SYNE2: variants seen among roughly 807,000 people sequenced by gnomAD.
SYNE2 encodes the protein nesprin-2.
Under a neutral mutation model 856.3 loss-of-function variants are expected in SYNE2, and 431 were observed. The ratio of observed to expected loss-of-function variants is 0.50; its 90% confidence interval spans 0.47 to 0.55. The LOEUF (loss-of-function observed/expected upper bound fraction) is 0.55, where lower values mean the gene tolerates loss of function less well. SYNE2 is among the 20% of genes least tolerant of loss of function. The pLI, the probability that SYNE2 is intolerant of heterozygous loss-of-function variation, is 0.00. For synonymous variants in SYNE2, 2,923 were observed against 2,872.3 expected (o/e 1.02, Z -0.56); for missense variants, 8,129 against 8,023.2 (o/e 1.01, Z -0.50).
chr14:63,797,004 A>G (rs1887939276), intron 1 of SYNE2, among the ~76,000 whole-genome samples: 1 of 150,390 alleles, frequency 6.6e-6, no homozygotes, highest in South Asian at 2.1e-4. Context: ...GCTTGAACCC[A>G]GGAGGTGGAG....
intron 1 of SYNE2, among the ~76,000 whole-genome samples, chr14:63,875,577 A>G (rs1415931038): frequency 6.6e-6 from 1 of 151,014 alleles, no homozygotes; most frequent in African/African-American, 2.5e-5. Flanking sequence ...TTGTGGAAAC[A>G]GAGACCTTTA....
intron 96 of SYNE2, among the ~76,000 whole-genome samples, chr14:64,182,386 T>A (rs2098462489): frequency 6.6e-6 from 1 of 152,126 alleles, no homozygotes; most frequent in Non-Finnish European, 1.5e-5. Flanking sequence ...TTTTTATTTT[T>A]ATTTATTTGT....
chr14:63,982,600 A>C (rs1259908328), intron 16 of SYNE2, 30 bp from the exon 17 acceptor site: 1 of 1,607,678 alleles, frequency 6.2e-7, no homozygotes, highest in Admixed American at 1.7e-5. Context: ...TCGTGTCATT[A>C]AGATAGTGTG....
intron 67 of SYNE2, among the ~76,000 whole-genome samples, chr14:64,119,810 T>A (rs373759408): frequency 7.2e-5 from 11 of 152,122 alleles, no homozygotes; most frequent in African/African-American, 2.4e-4. Flanking sequence ...CCTGTCTAGG[T>A]TGTTGTTGGT....
intron 96 of SYNE2, among the ~76,000 whole-genome samples, chr14:64,181,057 A>G (rs578259936): frequency 6.6e-6 from 1 of 152,248 alleles, no homozygotes; most frequent in African/African-American, 2.4e-5. Context: ...TCATCTGTCA[A>G]TAATGACAAG....
Position 64,024,458 on chromosome 14 carries a change from A to C in SYNE2, c.5839A>C (p.Arg1947=). The change falls in exon 39 of 116, where the codon AGA becomes CGA. Residue 1947 remains arginine, a splice_region_variant and synonymous_variant. Transcript: ENST00000555002. ...TGAAGACTCCTTGCAGCAGCTACTG[A>C]GGTAGGAAATAAAGATGATATCTAA... is the stretch of plus-strand genomic sequence containing the variant. The part of the protein sequence containing the change: ...ELEDSLQQLL[R]LQDDHRNLRK... The C allele has an allele frequency of 6.2e-7, 1 of 1,613,502 alleles. No individual in the cohort carries two copies. Among genetic ancestry groups the C allele is most frequent in the South Asian group, 1.1e-5 (1 of 91,064 alleles).
intron 6 of SYNE2, among the ~76,000 whole-genome samples, chr14:63,949,501 A>G (rs1210662201): frequency 6.6e-6 from 1 of 152,098 alleles, no homozygotes; most frequent in Non-Finnish European, 1.5e-5. Flanking sequence ...AATTTGGTTC[A>G]GTTCGATTTA....
At position 64,194,299 on chromosome 14, in the gene SYNE2, C is replaced by CTTCTT. The variant is rs1555538554; in HGVS notation, c.18038+4064_18038+4065insCTTTT. Among the ~76,000 whole-genome samples, 424 of 148,172 alleles carry CTTCTT rather than the reference C, an allele frequency of 2.9e-3. 1 individual carries two copies. Among genetic ancestry groups the CTTCTT allele is most frequent in the African/African-American group, 8.1e-3 (325 of 40,366 alleles). On this transcript the variant is annotated intron_variant, in intron 99 of 115. Coordinates refer to ENST00000555002, the MANE Select transcript of SYNE2 (RefSeq NM_182914.3). ...TAGCCCCTCTCCCTCCTCTTTTCTT[C>CTTCTT]TTTTTTTTTTTGAGACAAGGTCTGG...
intron 64 of SYNE2, among the ~76,000 whole-genome samples, chr14:64,105,778 G>T (rs1353616633): frequency 7.8e-6 from 1 of 127,494 alleles, no homozygotes; most frequent in Non-Finnish European, 1.5e-5. Flanking sequence ...GTTATACCAG[G>T]CTAGGTGCAG....
intron 49 of SYNE2, among the ~76,000 whole-genome samples, chr14:64,061,593 G>T (rs2097317580): frequency 6.6e-6 from 1 of 152,062 alleles, no homozygotes; most frequent in Non-Finnish European, 1.5e-5. Flanking sequence ...GTTTTAATTT[G>T]CACTTCTGTT....
intron 62 of SYNE2, 44 bp from the exon 63 acceptor site, chr14:64,098,703 G>T: frequency 1.2e-6 from 2 of 1,601,748 alleles, no homozygotes; most frequent in Middle Eastern, 1.7e-4. Flanking sequence ...TGGTGATGTT[G>T]ACTGGCAAGC....
chr14:64,156,613 C>G (rs1425997658), intron 85 of SYNE2, among the ~76,000 whole-genome samples: 1 of 152,038 alleles, frequency 6.6e-6, no homozygotes. Context: ...CGTGTGCCAC[C>G]ACTCCCGGCT....
intron 1 of SYNE2, among the ~76,000 whole-genome samples, chr14:63,898,281 C>G (rs368447389): frequency 6.6e-6 from 1 of 152,318 alleles, no homozygotes; most frequent in South Asian, 2.1e-4. Flanking sequence ...GCATCACTAT[C>G]GTCCTGGGAA....
At chr14:64,164,243 G>A (rs1006079346) in intron 89 of SYNE2, among the ~76,000 whole-genome samples, 1 of 152,078 alleles carries the variant, frequency 6.6e-6, no homozygotes, top group Non-Finnish European at 1.5e-5. Context: ...CCGAGTAGCT[G>A]GGACTACAGG....
intron 1 of SYNE2, among the ~76,000 whole-genome samples, chr14:63,884,916 A>G (rs1347657404): frequency 1.3e-5 from 2 of 152,156 alleles, no homozygotes; most frequent in African/African-American, 2.4e-5. Context: ...CTGGGATTAC[A>G]GGCAGGAGCC....
At chr14:63,942,185 C>A in intron 6 of SYNE2, 42 bp downstream of exon 6, 1 of 1,208,568 alleles carries the variant, frequency 8.3e-7, no homozygotes, top group Non-Finnish European at 1.2e-6. Flanking sequence ...TACCCTACCA[C>A]AGTATAAAAT....
At position 64,212,906 on chromosome 14, in the gene SYNE2, T is replaced by C; in HGVS notation, c.18957T>C (p.Ala6319=). Residue 6319 remains alanine (A), a synonymous_variant, in exon 105 of 116, where the codon GCT becomes GCC. Transcript: ENST00000555002. The part of the protein sequence containing the change: ...QLIQKSEPLD[A]VLIEDELEEL... ...TTCAGAAGAGCGAGCCCCTGGATGC[T>C]GTGCTGATTGAGGATGAGCTGGAGG... The C allele has an allele frequency of 1.2e-6, 2 of 1,614,232 alleles. No individual in the cohort carries two copies. Among genetic ancestry groups the C allele is most frequent in the African/African-American group, 2.7e-5 (2 of 75,058 alleles).
chr14:63,945,264 A>G (rs1177086329), intron 6 of SYNE2, among the ~76,000 whole-genome samples: 4 of 152,116 alleles, frequency 2.6e-5, no homozygotes, highest in African/African-American at 7.2e-5. Flanking sequence ...AGATAAAAAT[A>G]TAGAACTTTG....
intron 96 of SYNE2, among the ~76,000 whole-genome samples, chr14:64,179,444 A>G (rs1454573412): frequency 6.6e-6 from 1 of 152,238 alleles, no homozygotes; most frequent in Non-Finnish European, 1.5e-5. Context: ...CCTGGCCTAC[A>G]ATGTAACTTT....
Sources: allele counts gnomAD v4.1 joint callset (sites outside exome capture counted in the v4.1 genomes callset), GRCh38; gene constraint gnomAD v4.1.1; transcripts MANE v1.5; gene names NCBI Gene and HGNC (gene_info 2026-07-23, HGNC 2026-07-21).